Variants in DCAF4 observed in about 807,000 individuals in gnomAD.
DCAF4 encodes the protein DDB1- and CUL4-associated factor 4.
Under a neutral mutation model 60.9 loss-of-function variants are expected in DCAF4, and 37 were observed. The observed-to-expected ratio is 0.61, with a 90% CI of 0.47 to 0.80. The LOEUF is 0.80. Among genes scored for constraint, DCAF4 ranks in the 30% least tolerant of loss-of-function variants. The pLI, the probability that DCAF4 is intolerant of heterozygous loss-of-function variation, is 0.00. For missense variants in DCAF4, 577 were observed against 650.0 expected (o/e 0.89, Z 1.22); for synonymous variants, 243 against 254.8 (o/e 0.95, Z 0.44).
At chr14:72,929,666 C>A in intron 1 of DCAF4, 1 of 1,344,586 alleles carries the variant, frequency 7.4e-7, no homozygotes, top group South Asian at 1.2e-5. Context: ...TGCTCAGCTC[C>A]TCCCGCTTCC....
chr14:72,948,771 C>G (rs1407844547), intron 8 of DCAF4, among the ~76,000 whole-genome samples: 1 of 152,158 alleles, frequency 6.6e-6, no homozygotes, highest in African/African-American at 2.4e-5. Context: ...GTTCAGGTAA[C>G]TTTTTCCCTT....
intron 7 of DCAF4, among the ~76,000 whole-genome samples, 158 bp from the exon 8 acceptor site, chr14:72,946,984 C>T (rs1303996077): frequency 6.6e-6 from 1 of 152,208 alleles, no homozygotes; most frequent in Non-Finnish European, 1.5e-5. Flanking sequence ...ACTTCCTGTC[C>T]TGCTTAAGCC....
At chr14:72,953,064 G>A (rs1891650752) in intron 9 of DCAF4, among the ~76,000 whole-genome samples, 2 of 128,360 alleles carry the variant, frequency 1.6e-5, no homozygotes, top group Admixed American at 9.5e-5. Flanking sequence ...GCAATGACAC[G>A]ATCTCAGTTC....
At chr14:72,929,308 G>A (rs763429476) in intron 1 of DCAF4, among the ~76,000 whole-genome samples, 1 of 152,186 alleles carries the variant, frequency 6.6e-6, no homozygotes, top group African/African-American at 2.4e-5. Flanking sequence ...CTGTGAGAGA[G>A]AGCCGACCTC....
At chr14:72,961,912 G>A, downstream of DCAF4, 2 of 1,141,932 alleles carry the variant, frequency 1.8e-6, no homozygotes, top group Non-Finnish European at 2.2e-6. Flanking sequence ...TGGGTTCAGT[G>A]GAAGGTTTGG....
In DCAF4 at chr14:72,949,711, T is replaced by G. The variant is rs1444982769; in HGVS notation, c.729-2087T>G. On this transcript the variant is annotated intron_variant, in intron 8 of 13. Coordinates refer to ENST00000358377, the MANE Select transcript of DCAF4 (RefSeq NM_015604.4). ...GACAGAGGTTGCAGTGAGCCAAGAT[T>G]GCGCCACTGCACTCCAGCCTGAGCG... is the stretch of plus-strand genomic sequence containing the variant. 2.0e-5 allele frequency among the ~76,000 whole-genome samples: 3 copies of G among 151,538 alleles called. No individual in the cohort carries two copies. The East Asian group carries it at 5.8e-4, about 29-fold the overall frequency.
chr14:72,950,191 G>A (rs1891234288), intron 8 of DCAF4, among the ~76,000 whole-genome samples: 1 of 152,180 alleles, frequency 6.6e-6, no homozygotes, highest in Non-Finnish European at 1.5e-5. Context: ...ATTGTTGGGG[G>A]ATAGACGGAC....
At chr14:72,931,230 A>G (rs1599570122) in intron 1 of DCAF4, among the ~76,000 whole-genome samples, 1 of 143,828 alleles carries the variant, frequency 7.0e-6, no homozygotes, top group Non-Finnish European at 1.5e-5. Flanking sequence ...CCATATATTA[A>G]TTTTGTTAAA....
chr14:72,956,105 T>C (rs1271603350), intron 12 of DCAF4, among the ~76,000 whole-genome samples: 2 of 151,956 alleles, frequency 1.3e-5, no homozygotes, highest in Admixed American at 1.3e-4. Context: ...GTATTTTTAG[T>C]AGAGATGGGG....
At chr14:72,960,391 C>A (rs1352658204), downstream of DCAF4, among the ~76,000 whole-genome samples, 1 of 152,092 alleles carries the variant, frequency 6.6e-6, no homozygotes, top group Non-Finnish European at 1.5e-5. Flanking sequence ...CTCAGGTGAT[C>A]TGCCCGCCTC....
rs765060789 is a variant in DCAF4 at position 72,954,398 on chromosome 14, G to A, written c.920G>A (p.Arg307Gln). ...NNCFSTGLSR[R>Q]VLLTNVVTGH... ...CTGTCTCCGCCAGGCTTGTCTCGGC[G>A]GGTCCTGTTGACCAACGTGGTGACG... is the stretch of plus-strand genomic sequence containing the variant. Residue 307 changes from arginine to glutamine, a missense_variant, in exon 11 of 14, where the codon CGG becomes CAG. Transcript: ENST00000358377. The A allele has an allele frequency of 9.3e-6, 15 of 1,614,004 alleles. No individual in the cohort carries two copies. The highest frequency in any genetic ancestry group is 1.1e-5 in the Non-Finnish European group (13 of 1,180,006).
intron 1 of DCAF4, among the ~76,000 whole-genome samples, chr14:72,933,370 C>T (rs1599576671): frequency 1.3e-5 from 2 of 152,258 alleles, no homozygotes; most frequent in South Asian, 4.1e-4. Flanking sequence ...ACCAGCCTGG[C>T]CATTATGGTG....
At position 72,959,315 on chromosome 14, in the gene DCAF4, G is replaced by A; in HGVS notation, c.*510G>A. ...TTCTGCAGAAATATTGAAGGCTGGAGTTTGGAATCCTTAAACTTGGCCTTC... is the reference window on the plus strand; with the variant it reads ...TTCTGCAGAAATATTGAAGGCTGGAATTTGGAATCCTTAAACTTGGCCTTC... On this transcript the variant is annotated 3_prime_UTR_variant, in exon 14 of 14. Transcript: ENST00000358377. 1.0e-6 allele frequency: 1 copy of A among 985,694 alleles called. No homozygotes were observed. Among genetic ancestry groups the A allele is most frequent in the Non-Finnish European group, 1.2e-6 (1 of 830,140 alleles). The allele number at this position is 985,694 out of a possible 1,614,324, so 61.1% of individuals were successfully genotyped here.
chr14:72,940,009 A>T (rs1889813563), intron 3 of DCAF4, 107 bp downstream of exon 3: 2 of 1,261,532 alleles, frequency 1.6e-6, no homozygotes, highest in Admixed American at 4.7e-5. Flanking sequence ...CACTCAGGGA[A>T]GGAGCTGGGT....
intron 9 of DCAF4, among the ~76,000 whole-genome samples, chr14:72,953,732 A>AAAAATATATATATAT (rs1555527852): frequency 4.6e-5 from 1 of 21,778 alleles, no homozygotes; most frequent in Admixed American, 8.0e-4. Flanking sequence ...AAAAAAAAAA[A>AAAAATATATATATAT]ATATATATAT....
At chr14:72,955,120 A>AAAAAC (rs1892090847) in intron 11 of DCAF4, among the ~76,000 whole-genome samples, 1 of 152,070 alleles carries the variant, frequency 6.6e-6, no homozygotes, top group Non-Finnish European at 1.5e-5. Flanking sequence ...CAAAAAAAAA[A>AAAAAC]AAAAATTGTG....
Position 72,954,429 on chromosome 14 carries a change from C to T in DCAF4, c.951C>T (p.His317=). 2 of 1,614,220 alleles carry T rather than the reference C, an allele frequency of 1.2e-6. No individual in the cohort carries two copies. The highest frequency in any genetic ancestry group is 1.7e-6 in the Non-Finnish European group (2 of 1,180,034). ...RVLLTNVVTG[H]RQSFGTNSDV... Reference sequence around the variant, plus strand: ...TGTTGACCAACGTGGTGACGGGACACCGGCAGTCCTTTGGGACCAACAGTG... The same window carrying T: ...TGTTGACCAACGTGGTGACGGGACATCGGCAGTCCTTTGGGACCAACAGTG... The change falls in exon 11 of 14, where the codon CAC becomes CAT. Residue 317 remains histidine (H), a synonymous_variant. Transcript: ENST00000358377.
downstream of DCAF4, among the ~76,000 whole-genome samples, chr14:72,961,393 G>GTAAA (rs771022758): frequency 2.0e-5 from 3 of 152,130 alleles, no homozygotes; most frequent in Non-Finnish European, 2.9e-5. Context: ...TTCTAACAGG[G>GTAAA]TAAACCCTCC....
At position 72,958,735 on chromosome 14, in the gene DCAF4, G is replaced by C. The variant is rs761600006; in HGVS notation, c.1418G>C (p.Gly473Ala). Residue 473 changes from glycine (G) to alanine (A), a missense_variant, in exon 14 of 14, where the codon GGG (glycine) becomes GCG (alanine). Physicochemically the swap from Gly to Ala is moderately conservative, Grantham distance 60. Coordinates refer to ENST00000358377, the MANE Select transcript of DCAF4 (RefSeq NM_015604.4). The stretch of plus-strand genomic sequence containing the variant: ...AGTGTGGCCTTCTCGTCGCGGCTGG[G>C]GGGCTCCCGGGGCGCGCCGGGGCTG... Reference protein sequence around the residue: ...IPSVAFSSRLGGSRGAPGLLM... With the variant: ...IPSVAFSSRLAGSRGAPGLLM... The C allele has an allele frequency of 2.0e-5, 32 of 1,612,688 alleles. No individual in the cohort carries two copies. The highest frequency in any genetic ancestry group is 2.7e-5 in the African/African-American group (2 of 74,922).
Sources: allele counts gnomAD v4.1 joint callset (sites outside exome capture counted in the v4.1 genomes callset), GRCh38; gene constraint gnomAD v4.1.1; transcripts MANE v1.5; gene names NCBI Gene and HGNC (gene_info 2026-07-23, HGNC 2026-07-21).